Variants in RIMS1 observed in about 807,000 individuals in gnomAD.
The protein encoded by RIMS1 is regulating synaptic membrane exocytosis protein 1.
RIMS1 carries 83 observed loss-of-function variants against 214.1 expected under a neutral mutation model. The observed-to-expected ratio is 0.39, with a 90% confidence interval of 0.32 to 0.47. The LOEUF is 0.47. Ranked by LOEUF, RIMS1 falls within the 20% of genes least tolerant of loss-of-function variation. RIMS1 has a pLI of 0.99. For missense variants in RIMS1, 2,050 were observed against 2,161.8 expected (o/e 0.95, Z 1.03); for synonymous variants, 793 against 786.8 (o/e 1.01, Z -0.13).
intron 9 of RIMS1, 95 bp downstream of exon 9, chr6:72,238,017 A>C (rs779772283): frequency 3.4e-5 from 23 of 684,530 alleles, no homozygotes; most frequent in Non-Finnish European, 4.5e-5. Context: ...ATATATACAT[A>C]CATACATACA....
intron 29 of RIMS1, among the ~76,000 whole-genome samples, chr6:72,390,147 T>A (rs2098679249): frequency 6.6e-6 from 1 of 152,192 alleles, no homozygotes; most frequent in African/African-American, 2.4e-5. Flanking sequence ...AGTAAAACTG[T>A]GGTATTTTTC....
Position 72,175,213 on chromosome 6 carries a change from AC to A in RIMS1, c.472-4361del, listed in dbSNP as rs1479033694. ...AATGGTACCATAATAATTTTTAAAA[AC>A]ATCCTATATTCATTGAAAATTGATC... On this transcript the variant is annotated intron_variant, in intron 4 of 33. Coordinates refer to ENST00000521978, the MANE Select transcript of RIMS1 (RefSeq NM_014989.7). 2.5e-5 allele frequency: 4 copies of A among 159,626 alleles called. No homozygotes were observed. The Admixed American group carries it at 2.6e-4, about 10-fold the overall frequency. The allele number at this position is 159,626 out of a possible 1,614,324, so 9.9% of individuals were successfully genotyped here.
intron 2 of RIMS1, among the ~76,000 whole-genome samples, chr6:72,005,189 G>A (rs1000178302): frequency 4.6e-5 from 7 of 152,192 alleles, no homozygotes; most frequent in African/African-American, 1.4e-4. Context: ...TTAGATATGC[G>A]GCGTTATTTC....
At chr6:72,014,500 C>G (rs1454605515) in intron 2 of RIMS1, among the ~76,000 whole-genome samples, 1 of 152,138 alleles carries the variant, frequency 6.6e-6, no homozygotes, top group African/African-American at 2.4e-5. Flanking sequence ...TTTTATTTAT[C>G]CGGACATCAG....
intron 13 of RIMS1, 142 bp downstream of exon 13, chr6:72,250,602 C>G: frequency 1.6e-6 from 1 of 619,192 alleles, no homozygotes; most frequent in South Asian, 2.7e-5. Context: ...AAAAGAAGTC[C>G]CTCAAGTGTT....
intron 1 of RIMS1, among the ~76,000 whole-genome samples, chr6:71,966,322 T>C (rs999397320): frequency 2.0e-5 from 3 of 152,218 alleles, no homozygotes; most frequent in African/African-American, 7.2e-5. Context: ...TATATTGCTT[T>C]TGAATATTAA....
chr6:72,380,459 T>G (rs1436575158), intron 29 of RIMS1, among the ~76,000 whole-genome samples: 1 of 152,212 alleles, frequency 6.6e-6, no homozygotes, highest in Non-Finnish European at 1.5e-5. Context: ...ACCTGAAGTA[T>G]TACTTTATTA....
chr6:72,076,610 G>A (rs966379122), intron 2 of RIMS1, among the ~76,000 whole-genome samples: 1 of 152,168 alleles, frequency 6.6e-6, no homozygotes, highest in African/African-American at 2.4e-5. Context: ...TAACACTGAG[G>A]GTTAAAGGAG....
At chr6:72,315,061 C>A (rs542493835) in intron 28 of RIMS1, among the ~76,000 whole-genome samples, 1 of 152,068 alleles carries the variant, frequency 6.6e-6, no homozygotes, top group Non-Finnish European at 1.5e-5. Flanking sequence ...TATGTGATTT[C>A]TTTTAGAAAG....
In RIMS1 at chr6:72,172,806, T is replaced by C. The variant is rs568413535; in HGVS notation, c.472-6769T>C. The stretch of plus-strand genomic sequence containing the variant: ...AAATCGCACTATGCATTTGATCAAT[T>C]TGCCTTTTGTGTTGTTGCTGTTGTC... On this transcript the variant is annotated intron_variant, in intron 4 of 33. Transcript: ENST00000521978. 4.1e-4 allele frequency among the ~76,000 whole-genome samples: 62 copies of C among 152,304 alleles called. 1 individual carries two copies. The South Asian group carries it at 0.013, about 31-fold the overall frequency.
At chr6:72,141,402 G>T (rs1349419348) in intron 4 of RIMS1, among the ~76,000 whole-genome samples, 1 of 151,894 alleles carries the variant, frequency 6.6e-6, no homozygotes, top group Non-Finnish European at 1.5e-5. Flanking sequence ...TGTACTTCCA[G>T]GTTTTGGGTA....
intron 4 of RIMS1, among the ~76,000 whole-genome samples, chr6:72,144,363 G>T (rs542426470): frequency 6.6e-6 from 1 of 152,186 alleles, no homozygotes; most frequent in African/African-American, 2.4e-5. Flanking sequence ...TGAGATGGAA[G>T]TTCTAAAGAA....
At chr6:72,196,580 C>CTTTTTTTTTTTTTTGTTTT (rs2050982927) in intron 6 of RIMS1, among the ~76,000 whole-genome samples, 1 of 57,214 alleles carries the variant, frequency 1.7e-5, no homozygotes, top group African/African-American at 7.9e-5. Flanking sequence ...GCCAGCTGCA[C>CTTTTTTTTTTTTTTGTTTT]TTTTTTTTTT....
At position 72,182,850 on chromosome 6, in the gene RIMS1, A is replaced by C; in HGVS notation, c.1379A>C (p.Glu460Ala). ...CCCAGACATGGGCCGGTTCCCGCAG[A>C]AGCCCCGGAGCTCAAAGCCCAGGAG... Reference protein sequence around the residue: ...PAPRHGPVPAEAPELKAQEPL... With the variant: ...PAPRHGPVPAAAPELKAQEPL... Residue 460 changes from glutamate (E) to alanine (A), a missense_variant, in exon 6 of 34, where the codon GAA becomes GCA. Glu to Ala is a moderately radical substitution (Grantham distance 107). This residue lies in a region of RIMS1 where 882 missense variants were observed against 828.9 expected (regional missense o/e 1.06). Coordinates refer to ENST00000521978, the MANE Select transcript of RIMS1 (RefSeq NM_014989.7). 6.4e-7 allele frequency: 1 copy of C among 1,555,854 alleles called. No individual in the cohort carries two copies. The highest frequency in any genetic ancestry group is 8.7e-7 in the Non-Finnish European group (1 of 1,152,326).
chr6:72,124,937 T>G (rs1490661800), intron 4 of RIMS1, among the ~76,000 whole-genome samples: 1 of 152,190 alleles, frequency 6.6e-6, no homozygotes, highest in Non-Finnish European at 1.5e-5. Flanking sequence ...CTCCTTTAGC[T>G]CGAAGAAGTT....
chr6:72,103,755 A>G (rs1473035417), intron 4 of RIMS1, among the ~76,000 whole-genome samples: 1 of 152,194 alleles, frequency 6.6e-6, no homozygotes, highest in Non-Finnish European at 1.5e-5. Flanking sequence ...AAGCAGCTGC[A>G]TAGCAATAAA....
intron 9 of RIMS1, among the ~76,000 whole-genome samples, chr6:72,241,164 CT>C (rs1485298999): frequency 1.3e-5 from 2 of 152,044 alleles, no homozygotes; most frequent in East Asian, 1.9e-4. Context: ...AATTTTCCTA[CT>C]TTTATTTAAA....
intron 1 of RIMS1, among the ~76,000 whole-genome samples, chr6:71,955,494 G>A (rs1214492028): frequency 1.3e-5 from 2 of 152,074 alleles, no homozygotes; most frequent in African/African-American, 4.8e-5. Context: ...AAATCATTTT[G>A]TAGACCTATA....
At chr6:71,901,674 A>G (rs915546462) in intron 1 of RIMS1, among the ~76,000 whole-genome samples, 5 of 152,118 alleles carry the variant, frequency 3.3e-5, no homozygotes, top group African/African-American at 1.2e-4. Context: ...GGTTGTAAAT[A>G]TCTTAAATAT....
Sources: gnomAD v4.1 joint callset for allele counts (sites outside exome capture counted in the v4.1 genomes callset) on GRCh38, gnomAD v4.1.1 for gene constraint, gnomAD v4.1.1 regional missense constraint, MANE v1.5 for transcripts, NCBI Gene and HGNC (gene_info 2026-07-23, HGNC 2026-07-21) for gene names.